The following NRXN3 variants were observed in gnomAD, a reference collection of about 807,000 sequenced individuals.
NRXN3 encodes the protein neurexin 3, also known as neurexin III.
NRXN3 carries 32 observed loss-of-function variants against 137.6 expected under a neutral mutation model. That is an observed-to-expected ratio of 0.23 (90% CI 0.18 to 0.31). NRXN3 has a LOEUF of 0.31. Ranked by LOEUF, NRXN3 falls within the 10% of genes least tolerant of loss-of-function variation. The pLI is 1.00. For missense variants in NRXN3, 1,574 were observed against 2,062.5 expected, an observed-to-expected ratio of 0.76 and a Z score of 4.59; for synonymous variants, 798 against 784.5, an observed-to-expected ratio of 1.02 and a Z score of -0.29.
intron 19 of NRXN3, among the ~76,000 whole-genome samples, chr14:79,780,366 C>T (rs1431761894): frequency 1.3e-5 from 2 of 151,520 alleles, no homozygotes; most frequent in East Asian, 1.9e-4. Context: ...TTTGAGAGGC[C>T]GAGGCAGGCA....
Position 79,499,929 on chromosome 14 carries a change from T to C in NRXN3, c.3444+32527T>C, listed in dbSNP as rs894426517. 6.6e-5 allele frequency among the ~76,000 whole-genome samples: 10 copies of C among 150,522 alleles called. No homozygotes were observed. The East Asian group carries it at 2.0e-3, about 30-fold the overall frequency. Reference sequence around the variant, plus strand: ...TTTCTTTATATTAGGCCCCCTGTGTTTGGTTTTCTGTCAGTTATCTTAGGG... The same window carrying C: ...TTTCTTTATATTAGGCCCCCTGTGTCTGGTTTTCTGTCAGTTATCTTAGGG... On this transcript the variant is annotated intron_variant, in intron 16 of 20. Transcript: ENST00000335750.
intron 16 of NRXN3, among the ~76,000 whole-genome samples, chr14:79,479,872 C>T (rs1353869178): frequency 6.6e-6 from 1 of 152,058 alleles, no homozygotes; most frequent in Non-Finnish European, 1.5e-5. Flanking sequence ...TTAGAGGTAA[C>T]TTTAGTTCCC....
chr14:78,190,636 TTTATTTATTTATTTATTTAC>T (rs60983822), intron 1 of NRXN3, among the ~76,000 whole-genome samples: 61,427 of 145,020 alleles, frequency 0.42, 12,958 homozygotes, highest in African/African-American at 0.51. Context: ...TATTTATTTA[TTTATTTATTTATTTATTTAC>T]TTACTTACTT....
At chr14:79,517,782 G>C (rs1265437628) in intron 16 of NRXN3, among the ~76,000 whole-genome samples, 3 of 150,228 alleles carry the variant, frequency 2.0e-5, no homozygotes, top group African/African-American at 7.3e-5. Context: ...TTATTCTGCT[G>C]TATTGGTCTG....
At chr14:79,341,840 C>A (rs1175560214) in intron 15 of NRXN3, among the ~76,000 whole-genome samples, 1 of 152,090 alleles carries the variant, frequency 6.6e-6, no homozygotes, top group Non-Finnish European at 1.5e-5. Flanking sequence ...CCAAGTAAGA[C>A]CCCAAAGGTT....
chr14:78,332,071 A>C (rs1597412039), intron 4 of NRXN3, among the ~76,000 whole-genome samples: 1 of 152,166 alleles, frequency 6.6e-6, no homozygotes, highest in East Asian at 1.9e-4. Flanking sequence ...GACTTTGGGC[A>C]AGTCATTTAA....
At chr14:78,843,755 T>C (rs2099019181) in intron 10 of NRXN3, among the ~76,000 whole-genome samples, 1 of 152,250 alleles carries the variant, frequency 6.6e-6, no homozygotes, top group Non-Finnish European at 1.5e-5. Context: ...TAGTATTAGT[T>C]GAAACATTTT....
chr14:79,605,715 C>T (rs1034813708), intron 16 of NRXN3, among the ~76,000 whole-genome samples: 1 of 152,260 alleles, frequency 6.6e-6, no homozygotes, highest in South Asian at 2.1e-4. Context: ...CTCTTGAACT[C>T]CTGACCTCAG....
chr14:79,183,132 T>C (rs191946985), intron 15 of NRXN3, among the ~76,000 whole-genome samples: 145 of 152,352 alleles, frequency 9.5e-4, no homozygotes, highest in Non-Finnish European at 1.5e-3. Context: ...TTTTATTTTT[T>C]ATACCCTTAA....
At chr14:79,773,161 C>G (rs982644763) in intron 19 of NRXN3, among the ~76,000 whole-genome samples, 190 of 152,288 alleles carry the variant, frequency 1.2e-3, no homozygotes, top group African/African-American at 4.0e-3. Context: ...GAAATAGGAA[C>G]ACTTTTACAC....
intron 16 of NRXN3, among the ~76,000 whole-genome samples, chr14:79,582,041 C>T (rs1249706718): frequency 6.6e-6 from 1 of 152,150 alleles, no homozygotes; most frequent in Non-Finnish European, 1.5e-5. Flanking sequence ...TCACCTGCCT[C>T]AGCCTTCCCA....
At chr14:78,840,399 A>G (rs969121888) in intron 10 of NRXN3, among the ~76,000 whole-genome samples, 1 of 152,236 alleles carries the variant, frequency 6.6e-6, no homozygotes, top group African/African-American at 2.4e-5. Context: ...TTGGATCAAT[A>G]TATAAAAACT....
intron 16 of NRXN3, among the ~76,000 whole-genome samples, chr14:79,513,866 C>T (rs1450838855): frequency 6.6e-6 from 1 of 152,160 alleles, no homozygotes; most frequent in South Asian, 2.1e-4. Context: ...CAAGAAACAG[C>T]CTGCTGGCAG....
chr14:78,784,423 G>C (rs771219347), intron 8 of NRXN3, among the ~76,000 whole-genome samples: 6 of 152,216 alleles, frequency 3.9e-5, no homozygotes, highest in Non-Finnish European at 7.3e-5. Context: ...AGGTCACCAG[G>C]TGGCTCTAAG....
chr14:79,400,684 C>A (rs2095167569), intron 15 of NRXN3, among the ~76,000 whole-genome samples: 1 of 152,048 alleles, frequency 6.6e-6, no homozygotes, highest in Non-Finnish European at 1.5e-5. Context: ...ACCCATTGTT[C>A]CAGATCTATA....
At chr14:79,403,256 T>A (rs188198416) in intron 15 of NRXN3, among the ~76,000 whole-genome samples, 130 of 152,296 alleles carry the variant, frequency 8.5e-4, no homozygotes, top group African/African-American at 2.9e-3. Context: ...AACGGACATA[T>A]GCATGGGCCT....
At chr14:79,368,136 G>A (rs2093964294) in intron 15 of NRXN3, among the ~76,000 whole-genome samples, 1 of 152,168 alleles carries the variant, frequency 6.6e-6, no homozygotes, top group African/African-American at 2.4e-5. Context: ...CAGGATTTCT[G>A]TTTGGGCCAG....
intron 16 of NRXN3, among the ~76,000 whole-genome samples, chr14:79,589,550 T>TAAAAAA (rs58740411): frequency 1.1e-5 from 1 of 87,056 alleles, no homozygotes; most frequent in African/African-American, 4.8e-5. Context: ...GTAGAATACC[T>TAAAAAA]AAAAAAAAAA....
chr14:78,526,784 A>T (rs745633959), intron 4 of NRXN3: 1 of 517,446 alleles, frequency 1.9e-6, no homozygotes, highest in African/African-American at 1.9e-5. Flanking sequence ...AGTTGGACTA[A>T]GTGAAATAAA....
Sources: gnomAD v4.1 joint callset for allele counts (sites outside exome capture counted in the v4.1 genomes callset) on GRCh38, gnomAD v4.1.1 for gene constraint, MANE v1.5 for transcripts, NCBI Gene and HGNC (gene_info 2026-07-23, HGNC 2026-07-21) for gene names.